The following PRKAR2B variants were observed in gnomAD, a reference collection of about 807,000 sequenced individuals.
PRKAR2B encodes the protein protein kinase cAMP-dependent type II regulatory subunit beta.
PRKAR2B carries 14 observed loss-of-function variants against 49.9 expected under a neutral mutation model. The observed-to-expected ratio is 0.28, with a 90% CI of 0.19 to 0.44. The LOEUF (loss-of-function observed/expected upper bound fraction) is 0.44. Among genes scored for constraint, PRKAR2B ranks in the 20% least tolerant of loss-of-function variants. The probability of loss-of-function intolerance (pLI) is 1.00; values close to 1 mark genes in which losing one functional copy is unlikely to be tolerated. For missense variants in PRKAR2B, 393 were observed against 537.9 expected, an observed-to-expected ratio of 0.73 and a Z score of 2.67; for synonymous variants, 196 against 197.7, an observed-to-expected ratio of 0.99 and a Z score of 0.07.
At chr7:107,118,148 T>C (rs771232317) in intron 2 of PRKAR2B, among the ~76,000 whole-genome samples, 2 of 152,200 alleles carry the variant, frequency 1.3e-5, no homozygotes, top group Non-Finnish European at 2.9e-5. Flanking sequence ...CATCCAGAGA[T>C]AGAGCCATTC....
intron 2 of PRKAR2B, among the ~76,000 whole-genome samples, chr7:107,100,944 A>G (rs1236527289): frequency 6.6e-6 from 1 of 152,018 alleles, no homozygotes; most frequent in African/African-American, 2.4e-5. Flanking sequence ...GCTGCCTTGA[A>G]ATTGAAATCT....
chr7:107,142,771 G>GTT (rs796487348), intron 5 of PRKAR2B, among the ~76,000 whole-genome samples: 2 of 145,856 alleles, frequency 1.4e-5, no homozygotes, highest in African/African-American at 2.5e-5. Context: ...TTTTTTGTTT[G>GTT]TTTTTTTTTT....
intron 8 of PRKAR2B, among the ~76,000 whole-genome samples, chr7:107,156,424 C>T (rs908084463): frequency 7.3e-5 from 11 of 151,664 alleles, no homozygotes; most frequent in African/African-American, 1.2e-4. Context: ...GGTGACAGAG[C>T]GAGACTCCAT....
Position 107,044,921 on chromosome 7 carries a change from TC to T in PRKAR2B, c.17del (p.Pro6ArgfsTer4). The T allele has an allele frequency of 6.3e-7, 1 of 1,597,580 alleles. No homozygotes were observed. Among genetic ancestry groups the T allele is most frequent in the Admixed American group, 1.7e-5 (1 of 58,854 alleles). On this transcript the variant is annotated frameshift_variant, in exon 1 of 11. Coordinates refer to ENST00000265717, the MANE Select transcript of PRKAR2B (RefSeq NM_002736.3). LOFTEE classifies it high-confidence loss of function. Reference sequence around the variant, plus strand: ...CCCGGAGGCAGGATGAGCATCGAGATCCCGGCGGGACTGACGGAGCTGCTGC... The same window carrying T: ...CCCGGAGGCAGGATGAGCATCGAGATCCGGCGGGACTGACGGAGCTGCTGC... MSIE[I>X]PAGLTELLQG...
intron 4 of PRKAR2B, among the ~76,000 whole-genome samples, chr7:107,140,315 G>C (rs1795769414): frequency 6.6e-6 from 1 of 152,092 alleles, no homozygotes; most frequent in African/African-American, 2.4e-5. Context: ...CAGAATATTT[G>C]CCACAGTCAT....
At chr7:107,087,039 A>T (rs1209841552) in intron 2 of PRKAR2B, among the ~76,000 whole-genome samples, 1 of 152,184 alleles carries the variant, frequency 6.6e-6, no homozygotes, top group Non-Finnish European at 1.5e-5. Flanking sequence ...AAACTTTTTC[A>T]CACATAGGAA....
chr7:107,100,439 G>A (rs1278937895), intron 2 of PRKAR2B, among the ~76,000 whole-genome samples: 2 of 152,142 alleles, frequency 1.3e-5, no homozygotes. Flanking sequence ...CTGGTTTTGA[G>A]TTTAACAGTT....
chr7:107,150,792 C>T, intron 6 of PRKAR2B, 130 bp from the exon 7 acceptor site: 1 of 535,984 alleles, frequency 1.9e-6, no homozygotes, highest in Non-Finnish European at 3.3e-6. Flanking sequence ...AAATGAGTTG[C>T]ATTAAAAGTA....
chr7:107,146,541 T>C, intron 6 of PRKAR2B, 80 bp downstream of exon 6: 1 of 1,431,010 alleles, frequency 7.0e-7, no homozygotes, highest in Non-Finnish European at 9.5e-7. Flanking sequence ...CCGCATGTAG[T>C]ATTTTAATTT....
At chr7:107,115,831 C>A (rs1795263214) in intron 2 of PRKAR2B, among the ~76,000 whole-genome samples, 1 of 152,136 alleles carries the variant, frequency 6.6e-6, no homozygotes, top group South Asian at 2.1e-4. Context: ...GACCATATAA[C>A]TTGTCTAATG....
chr7:107,084,178 A>G (rs1253257325), intron 2 of PRKAR2B, among the ~76,000 whole-genome samples: 1 of 152,190 alleles, frequency 6.6e-6, no homozygotes, highest in East Asian at 1.9e-4. Flanking sequence ...TTCTATACAT[A>G]CTGTTATAGG....
intron 1 of PRKAR2B, among the ~76,000 whole-genome samples, chr7:107,063,380 A>C (rs1794065100): frequency 6.6e-6 from 1 of 152,238 alleles, no homozygotes; most frequent in African/African-American, 2.4e-5. Flanking sequence ...TATATATTGT[A>C]GCCAGCAGTG....
chr7:107,138,822 G>A (rs915151222), intron 4 of PRKAR2B, among the ~76,000 whole-genome samples: 6 of 151,954 alleles, frequency 3.9e-5, no homozygotes, highest in African/African-American at 9.7e-5. Flanking sequence ...TAGCTGAGAC[G>A]ACAAGTGTGC....
At chr7:107,088,586 G>A (rs1562852573) in intron 2 of PRKAR2B, among the ~76,000 whole-genome samples, 1 of 151,948 alleles carries the variant, frequency 6.6e-6, no homozygotes, top group Non-Finnish European at 1.5e-5. Flanking sequence ...TCATACAGTT[G>A]GCTTTTATTT....
At chr7:107,156,957 G>A (rs370286339) in intron 8 of PRKAR2B, 27 bp from the exon 9 acceptor site, 147 of 1,571,762 alleles carry the variant, frequency 9.4e-5, no homozygotes, top group South Asian at 4.0e-4. Flanking sequence ...CATTTTCACC[G>A]TCTGTTTTTG....
chr7:107,125,664 C>T (rs1338201872), intron 3 of PRKAR2B, among the ~76,000 whole-genome samples: 1 of 152,004 alleles, frequency 6.6e-6, no homozygotes, highest in Non-Finnish European at 1.5e-5. Context: ...GGGATTTTAC[C>T]GACGAGGTTA....
intron 4 of PRKAR2B, chr7:107,133,758 T>A (rs572744895): frequency 2.6e-5 from 4 of 152,346 alleles, no homozygotes; most frequent in Non-Finnish European, 4.4e-5. Context: ...TAAAATTATG[T>A]TCTCAGTTTA....
intron 6 of PRKAR2B, among the ~76,000 whole-genome samples, chr7:107,147,047 C>G (rs1489093722): frequency 6.7e-6 from 1 of 150,268 alleles, no homozygotes; most frequent in South Asian, 2.1e-4. Context: ...TGGCTGTGCT[C>G]ATGTGCCCCA....
intron 10 of PRKAR2B, among the ~76,000 whole-genome samples, chr7:107,158,879 A>G (rs940155914): frequency 3.9e-5 from 6 of 152,194 alleles, no homozygotes; most frequent in South Asian, 2.1e-4. Flanking sequence ...TTTATATATT[A>G]TAAATCCAGT....
Sources: allele counts gnomAD v4.1 joint callset (sites outside exome capture counted in the v4.1 genomes callset), GRCh38; gene constraint gnomAD v4.1.1; transcripts MANE v1.5; gene names NCBI Gene and HGNC (gene_info 2026-07-23, HGNC 2026-07-21).